UCN3: variants seen among roughly 807,000 people sequenced by gnomAD.
UCN3 encodes the protein urocortin 3.
UCN3 carries 3 observed loss-of-function variants against 3.6 expected under a neutral mutation model. The ratio of observed to expected loss-of-function variants is 0.83; its 90% CI spans 0.38 to 2.15. The LOEUF is 2.15. Among genes scored for constraint, UCN3 ranks in the 30% most tolerant of loss-of-function variants. UCN3 has a pLI of 0.06. For synonymous variants in UCN3, 100 were observed against 93.2 expected, an observed-to-expected ratio of 1.07 and a Z score of -0.42; for missense variants, 206 against 208.3, an observed-to-expected ratio of 0.99 and a Z score of 0.07.
At chr10:5,370,651 GTGTA>G (rs1380782537) in intron 1 of UCN3, among the ~76,000 whole-genome samples, 2,351 of 75,354 alleles carry the variant, frequency 0.031, 444 homozygotes, top group African/African-American at 0.13. Flanking sequence ...GTATATGTGT[GTGTA>G]TGTGTGTGTA....
chr10:5,370,870 TGTGTGTGTATATGC>T (rs1295322121), intron 1 of UCN3, among the ~76,000 whole-genome samples: 2 of 116,032 alleles, frequency 1.7e-5, no homozygotes, highest in Non-Finnish European at 3.7e-5. Context: ...TGCGTGTGTA[TGTGTGTGTATATGC>T]GTGTGTATAT....
chr10:5,370,385 A>ATG lies in UCN3; in HGVS notation c.-6-3329_-6-3328dup, dbSNP rs1298674026. Among the ~76,000 whole-genome samples the ATG allele has an allele frequency of 2.4e-4, 13 of 53,928 alleles. 3 individuals are homozygous for ATG. In the East Asian group the frequency reaches 3.5e-3, roughly 14 times the overall value. The allele number at this position is 53,928 out of a possible 152,430, so 35.4% of individuals were successfully genotyped here. On this transcript the variant is annotated intron_variant, in intron 1 of 1. Coordinates refer to ENST00000380433, the MANE Select transcript of UCN3 (RefSeq NM_053049.4). ...TATATGCGTGTGTATATGCGTGTAT[A>ATG]TGCGTGTGTATATGTGTGTGTATAT...
At chr10:5,369,887 A>ATGTGTGTGTGTATG (rs1831318582) in intron 1 of UCN3, among the ~76,000 whole-genome samples, 1 of 74,100 alleles carries the variant, frequency 1.3e-5, no homozygotes, top group African/African-American at 5.2e-5. Context: ...GTGTGTGTAT[A>ATGTGTGTGTGTATG]TGTGTGTGTG....
intron 1 of UCN3, among the ~76,000 whole-genome samples, chr10:5,370,029 ATATGCGTGTGTATATGCGTGTG>A (rs1564442247): frequency 5.1e-5 from 4 of 79,050 alleles, no homozygotes; most frequent in African/African-American, 1.9e-4. Flanking sequence ...ATGTGTGTGT[ATATGCGTGTGTATATGCGTGTG>A]TATGTGTGTG....
intron 1 of UCN3, among the ~76,000 whole-genome samples, chr10:5,369,848 C>T (rs73615949): frequency 0.011 from 1,089 of 97,436 alleles, 75 homozygotes; most frequent in African/African-American, 0.035. Context: ...GCTGGGTAAA[C>T]ATTTATCCAC....
In UCN3 at chr10:5,367,703, G is replaced by T. The variant is rs1021459491; in HGVS notation, c.-7+2473G>T. On this transcript the variant is annotated intron_variant, in intron 1 of 1. Transcript: ENST00000380433. The surrounding 1 kb of genome is among the most constrained non-coding windows in gnomAD (Gnocchi z 4.3). Reference sequence around the variant, plus strand: ...CTCAAGTGTTGATTTACACTAAAGGGCCAGTCCGTGTGAGCAGAGCCCCAA... The same window carrying T: ...CTCAAGTGTTGATTTACACTAAAGGTCCAGTCCGTGTGAGCAGAGCCCCAA... Among the ~76,000 whole-genome samples the T allele has an allele frequency of 2.6e-5, 4 of 152,222 alleles. No homozygotes were observed. The highest frequency in any genetic ancestry group is 4.4e-5 in the Non-Finnish European group (3 of 68,042).
chr10:5,370,648 T>G (rs1394757432), intron 1 of UCN3, among the ~76,000 whole-genome samples: 1 of 60,860 alleles, frequency 1.6e-5, no homozygotes, highest in South Asian at 7.5e-4. Context: ...TGTGTATATG[T>G]GTGTGTATGT....
chr10:5,370,386 TGC>T (rs372257594), intron 1 of UCN3, among the ~76,000 whole-genome samples: 1,477 of 39,312 alleles, frequency 0.038, 314 homozygotes, highest in Non-Finnish European at 0.039. Flanking sequence ...TGCGTGTATA[TGC>T]GTGTGTATAT....
intron 1 of UCN3, among the ~76,000 whole-genome samples, chr10:5,371,637 TGAG>T (rs1345488936): frequency 6.6e-6 from 1 of 152,098 alleles, no homozygotes; most frequent in African/African-American, 2.4e-5. Flanking sequence ...GCCACACTGA[TGAG>T]GAGCTGCAGA....
rs1373602788 is a variant in UCN3, at chr10:5,367,722, G to A, written c.-7+2492G>A. On this transcript the variant is annotated intron_variant, in intron 1 of 1. Transcript: ENST00000380433. The surrounding 1 kb of genome is among the most constrained non-coding windows in gnomAD (Gnocchi z 4.3). ...TAAAGGGCCAGTCCGTGTGAGCAGA[G>A]CCCCAAGATGGGCTTGAACTCAGAA... is the stretch of plus-strand genomic sequence containing the variant. Among the ~76,000 whole-genome samples the A allele has an allele frequency of 6.6e-6, 1 of 152,204 alleles. No individual in the cohort carries two copies. Among genetic ancestry groups the A allele is most frequent in the South Asian group, 2.1e-4 (1 of 4,828 alleles).
At chr10:5,370,177 A>ATG (rs1831344260) in intron 1 of UCN3, among the ~76,000 whole-genome samples, 1 of 42,726 alleles carries the variant, frequency 2.3e-5, no homozygotes. Flanking sequence ...GTGTGTGTAT[A>ATG]TGCGTGTGTA....
intron 1 of UCN3, among the ~76,000 whole-genome samples, chr10:5,370,297 G>A (rs1318087659): frequency 1.1e-5 from 1 of 91,522 alleles, no homozygotes; most frequent in African/African-American, 4.8e-5. Context: ...GTGTGTGTAT[G>A]CGTGTGTATA....
Position 5,370,042 on chromosome 10 carries a change from TATGC to T in UCN3, c.-6-3672_-6-3669del, listed in dbSNP as rs1207550677. Among the ~76,000 whole-genome samples, 425 of 107,318 alleles carry T rather than the reference TATGC, an allele frequency of 4.0e-3. 93 individuals are homozygous for T. Among genetic ancestry groups the T allele is most frequent in the Non-Finnish European group, 6.4e-3 (318 of 49,560 alleles). 70.4% of individuals were successfully genotyped at this position (107,318 alleles called of 152,430 possible). ...ATATGTGTGTGTATATGCGTGTGTA[TATGC>T]GTGTGTATGTGTGTGTATATGTGTG... On this transcript the variant is annotated intron_variant, in intron 1 of 1. Transcript: ENST00000380433.
chr10:5,370,849 G>GTGTA (rs1554811406), intron 1 of UCN3, among the ~76,000 whole-genome samples: 1 of 39,192 alleles, frequency 2.6e-5, no homozygotes, highest in Non-Finnish European at 5.5e-5. Flanking sequence ...GCGTGTGTGT[G>GTGTA]CGCGTGTGTG....
Position 5,370,653 on chromosome 10 carries a change from G to A in UCN3, c.-6-3062G>A, listed in dbSNP as rs868994544. 4.7e-4 allele frequency among the ~76,000 whole-genome samples: 32 copies of A among 67,534 alleles called. 3 individuals are homozygous for A. The highest frequency in any genetic ancestry group is 1.4e-3 in the African/African-American group (21 of 15,342). 44.3% of individuals were successfully genotyped at this position (67,534 alleles called of 152,430 possible). On this transcript the variant is annotated intron_variant, in intron 1 of 1. Transcript: ENST00000380433. ...TGTGTATGTGTGTGTATATGTGTGT[G>A]TATGTGTGTGTATGTGTGTGTATGT...
At chr10:5,370,504 CGTGTGTATATGT>C (rs782468687) in intron 1 of UCN3, among the ~76,000 whole-genome samples, 321 of 20,564 alleles carry the variant, frequency 0.016, 43 homozygotes, top group Non-Finnish European at 0.023. Context: ...TGTGTATATG[CGTGTGTATATGT>C]GTGTGTATGT....
rs1471366726 is a variant in UCN3, at chr10:5,370,867, G to GTATGTGTGTGTATATGTGTGTA, written c.-6-2832_-6-2831insTGTGTATATGTGTGTGTATATG. On this transcript the variant is annotated intron_variant, in intron 1 of 1. Coordinates refer to ENST00000380433, the MANE Select transcript of UCN3 (RefSeq NM_053049.4). ...TGTGTGTGCGCGTGTGTGTGCGTGT[G>GTATGTGTGTGTATATGTGTGTA]TATGTGTGTGTATATGCGTGTGTAT... 1.0e-4 allele frequency among the ~76,000 whole-genome samples: 9 copies of GTATGTGTGTGTATATGTGTGTA among 89,954 alleles called. 1 individual carries two copies. Among genetic ancestry groups the GTATGTGTGTGTATATGTGTGTA allele is most frequent in the Admixed American group, 8.1e-4 (6 of 7,420 alleles). The allele number at this position is 89,954 out of a possible 152,430, so 59.0% of individuals were successfully genotyped here.
At position 5,366,961 on chromosome 10, in the gene UCN3, G is replaced by A. The variant is rs557221209; in HGVS notation, c.-7+1731G>A. ...TTTCCACACCTTCAGCACCCTAGCC[G>A]TGATTACAGTATTCTTCTCTGATGG... is the stretch of plus-strand genomic sequence containing the variant. On this transcript the variant is annotated intron_variant, in intron 1 of 1. Coordinates refer to ENST00000380433, the MANE Select transcript of UCN3 (RefSeq NM_053049.4). This position sits in a 1 kb window ranked among gnomAD's most constrained non-coding sequence, Gnocchi z 4.2. Among the ~76,000 whole-genome samples the A allele has an allele frequency of 5.9e-5, 9 of 152,290 alleles. No individual in the cohort carries two copies. The highest frequency in any genetic ancestry group is 1.4e-4 in the African/African-American group (6 of 41,548).
At chr10:5,371,019 A>G (rs547763316) in intron 1 of UCN3, among the ~76,000 whole-genome samples, 2,298 of 149,008 alleles carry the variant, frequency 0.015, 102 homozygotes, top group African/African-American at 0.056. Flanking sequence ...GTGCATATAT[A>G]TACGTGTGTG....
Sources: gnomAD v4.1 joint callset for allele counts (sites outside exome capture counted in the v4.1 genomes callset) on GRCh38, gnomAD v4.1.1 for gene constraint, Gnocchi (gnomAD v3.1) non-coding constraint, MANE v1.5 for transcripts, NCBI Gene and HGNC (gene_info 2026-07-23, HGNC 2026-07-21) for gene names.